The following NDST4 variants were observed in gnomAD, a reference collection of about 807,000 sequenced individuals.
NDST4 encodes the protein N-heparan sulfate sulfotransferase 4.
In NDST4, 63 loss-of-function variants were observed where a neutral mutation model predicts 100.8. The observed-to-expected ratio is 0.62, with a 90% CI of 0.51 to 0.77. The LOEUF is 0.77. Among genes scored for constraint, NDST4 ranks in the 30% least tolerant of loss-of-function variants. The probability of loss-of-function intolerance (pLI) is 0.00; values close to 1 mark genes in which losing one functional copy is unlikely to be tolerated. For missense variants in NDST4, 943 were observed against 1,018.4 expected (o/e 0.93, Z 1.01); for synonymous variants, 377 against 361.8 (o/e 1.04, Z -0.48).
At chr4:114,903,065 C>T (rs1299851631) in intron 6 of NDST4, among the ~76,000 whole-genome samples, 4 of 152,162 alleles carry the variant, frequency 2.6e-5, no homozygotes, top group South Asian at 4.1e-4. Flanking sequence ...TTTCCACATC[C>T]CTGCCATCTC....
At chr4:114,940,173 A>G (rs906490107) in intron 4 of NDST4, among the ~76,000 whole-genome samples, 6 of 152,220 alleles carry the variant, frequency 3.9e-5, no homozygotes, top group Non-Finnish European at 1.5e-5. Context: ...TATTAGAATA[A>G]TGTCTCTTAC....
At chr4:115,069,977 T>A (rs531130745) in intron 2 of NDST4, among the ~76,000 whole-genome samples, 33 of 152,284 alleles carry the variant, frequency 2.2e-4, no homozygotes, top group South Asian at 8.3e-4. Flanking sequence ...TTGGTTGGAA[T>A]GTAAATTAGT....
At chr4:115,066,452 A>T (rs1728949081) in intron 2 of NDST4, among the ~76,000 whole-genome samples, 1 of 152,120 alleles carries the variant, frequency 6.6e-6, no homozygotes, top group South Asian at 2.1e-4. Flanking sequence ...ATAAAAGAAA[A>T]ATTATGATTA....
intron 2 of NDST4, among the ~76,000 whole-genome samples, chr4:115,016,583 AT>A (rs1727681522): frequency 6.6e-6 from 1 of 152,074 alleles, no homozygotes; most frequent in African/African-American, 2.4e-5. Flanking sequence ...AATGCCTCTG[AT>A]TTAACAGGGA....
chr4:114,837,395 C>T (rs1159367985), intron 11 of NDST4, among the ~76,000 whole-genome samples: 2 of 152,048 alleles, frequency 1.3e-5, no homozygotes, highest in East Asian at 3.9e-4. Flanking sequence ...AAGAACAAAG[C>T]TGGAGGCGTC....
Position 114,991,387 on chromosome 4 carries a change from G to A in NDST4, c.979-14113C>T, listed in dbSNP as rs115702681. On this transcript the variant is annotated intron_variant, in intron 2 of 13. Transcript: ENST00000264363. ...TGACGAATGAGTTATGGGGTGAAGAGAACAAATGCCACATTAACTGAGCCA... is the reference window on the plus strand; with the variant it reads ...TGACGAATGAGTTATGGGGTGAAGAAAACAAATGCCACATTAACTGAGCCA... Among the ~76,000 whole-genome samples, 1,177 of 152,078 alleles carry A rather than the reference G, an allele frequency of 7.7e-3. 20 individuals carry two copies. Among genetic ancestry groups the A allele is most frequent in the African/African-American group, 0.027 (1,117 of 41,510 alleles).
chr4:114,970,733 T>TA (rs1168317840), intron 3 of NDST4, 149 bp from the exon 4 acceptor site: 1 of 703,124 alleles, frequency 1.4e-6, no homozygotes, highest in East Asian at 2.8e-5. Context: ...GACCACAGTC[T>TA]AAAATGAATC....
rs188544854 is a variant in NDST4 at position 114,847,542 on chromosome 4, A to T, written c.1940+673T>A. Among the ~76,000 whole-genome samples, 7 of 152,276 alleles carry T rather than the reference A, an allele frequency of 4.6e-5. No individual in the cohort carries two copies. In the East Asian group the frequency reaches 1.4e-3, roughly 29 times the overall value. On this transcript the variant is annotated intron_variant, in intron 9 of 13. Coordinates refer to ENST00000264363, the MANE Select transcript of NDST4 (RefSeq NM_022569.3). ...TTTATATACCTGTGAACTAGAAATT[A>T]AATTCAGGACCATGTTTTCTTGAAA... is the stretch of plus-strand genomic sequence containing the variant.
chr4:115,044,872 C>A (rs151026948), intron 2 of NDST4, among the ~76,000 whole-genome samples: 1 of 151,254 alleles, frequency 6.6e-6, no homozygotes, highest in African/African-American at 2.4e-5. Flanking sequence ...TTAATAATCA[C>A]GGAAATTCAA....
chr4:114,912,465 T>A (rs528838561), intron 6 of NDST4, among the ~76,000 whole-genome samples: 2,002 of 152,218 alleles, frequency 0.013, 20 homozygotes, highest in Non-Finnish European at 0.02. Context: ...CAGGATGAAT[T>A]TGAAATGATG....
At chr4:114,862,096 T>C (rs1723929957) in intron 7 of NDST4, among the ~76,000 whole-genome samples, 1 of 152,204 alleles carries the variant, frequency 6.6e-6, no homozygotes, top group Non-Finnish European at 1.5e-5. Context: ...TAAGAAATGC[T>C]GAATAAATAT....
At chr4:114,829,450 A>G (rs1723147553) in intron 13 of NDST4, among the ~76,000 whole-genome samples, 1 of 152,194 alleles carries the variant, frequency 6.6e-6, no homozygotes, top group African/African-American at 2.4e-5. Flanking sequence ...AATATATAAT[A>G]ATGATACTTG....
At chr4:114,973,574 T>G (rs556521015) in intron 3 of NDST4, among the ~76,000 whole-genome samples, 10 of 151,860 alleles carry the variant, frequency 6.6e-5, no homozygotes, top group Non-Finnish European at 1.3e-4. Flanking sequence ...GAATAAAAAA[T>G]GTTTTAATTC....
intron 3 of NDST4, among the ~76,000 whole-genome samples, chr4:114,975,521 G>A (rs1428008501): frequency 6.6e-6 from 1 of 152,036 alleles, no homozygotes; most frequent in Non-Finnish European, 1.5e-5. Context: ...CTGGAGTGCT[G>A]CTCATTTCCC....
intron 10 of NDST4, among the ~76,000 whole-genome samples, chr4:114,844,967 C>T (rs910464491): frequency 6.6e-6 from 1 of 152,070 alleles, no homozygotes; most frequent in African/African-American, 2.4e-5. Flanking sequence ...TCTATTGGAA[C>T]ACTTGAGAAC....
chr4:114,862,068 T>C (rs1188084417), intron 7 of NDST4, among the ~76,000 whole-genome samples: 3 of 152,202 alleles, frequency 2.0e-5, no homozygotes, highest in African/African-American at 7.2e-5. Flanking sequence ...GTCTTCTTTA[T>C]TGCTACAACC....
chr4:114,872,996 A>G (rs565410335), intron 6 of NDST4, among the ~76,000 whole-genome samples: 50 of 152,160 alleles, frequency 3.3e-4, no homozygotes, highest in African/African-American at 1.2e-3. Flanking sequence ...AGAAAACTAT[A>G]TAAGTATTAT....
At chr4:114,832,091 T>C (rs1435752818) in intron 12 of NDST4, among the ~76,000 whole-genome samples, 2 of 152,338 alleles carry the variant, frequency 1.3e-5, no homozygotes, top group South Asian at 4.1e-4. Context: ...TATTGAACCA[T>C]AAGCAACTAT....
At chr4:114,866,826 G>A (rs573123149) in intron 7 of NDST4, among the ~76,000 whole-genome samples, 13 of 152,264 alleles carry the variant, frequency 8.5e-5, no homozygotes, top group African/African-American at 3.1e-4. Flanking sequence ...TAAGTTCCAT[G>A]AAGGCAAGAA....
Sources: allele counts gnomAD v4.1 joint callset (sites outside exome capture counted in the v4.1 genomes callset), GRCh38; gene constraint gnomAD v4.1.1; transcripts MANE v1.5; gene names NCBI Gene and HGNC (gene_info 2026-07-23, HGNC 2026-07-21).